The following CSF1R variants were observed in gnomAD, a reference collection of about 807,000 sequenced individuals.
CSF1R encodes colony stimulating factor 1 receptor.
In CSF1R, 40 loss-of-function variants were observed where a neutral mutation model predicts 110.0. That is an observed-to-expected ratio of 0.36 (90% confidence interval 0.28 to 0.47). CSF1R has a LOEUF of 0.47. Among genes scored for constraint, CSF1R ranks in the 20% least tolerant of loss-of-function variants. The pLI is 0.99. For synonymous variants in CSF1R, 523 were observed against 503.4 expected, an observed-to-expected ratio of 1.04 and a Z score of -0.52; for missense variants, 1,052 against 1,253.0, an observed-to-expected ratio of 0.84 and a Z score of 2.42.
intron 4 of CSF1R, 45 bp from the exon 5 acceptor site, chr5:150,077,480 G>A: frequency 6.3e-7 from 1 of 1,576,138 alleles, no homozygotes; most frequent in Non-Finnish European, 8.7e-7. Context: ...GTAGTTTAGG[G>A]ATTAGAAAGA....
At chr5:150,109,376 G>A (rs1430761740) in intron 1 of CSF1R, among the ~76,000 whole-genome samples, 1 of 152,202 alleles carries the variant, frequency 6.6e-6, no homozygotes, top group Non-Finnish European at 1.5e-5. Context: ...GGTGAGGGAA[G>A]GCTGGGTTTC....
At position 150,086,436 on chromosome 5, in the gene CSF1R, TG is replaced by T. The variant is rs1758850088; in HGVS notation, c.-10del. The T allele has an allele frequency of 1.2e-6, 2 of 1,608,046 alleles. No homozygotes were observed. The highest frequency in any genetic ancestry group is 2.7e-5 in the African/African-American group (2 of 74,846). On this transcript the variant is annotated 5_prime_UTR_variant, in exon 1 of 21. Coordinates refer to ENST00000675795, the MANE Select transcript of CSF1R (RefSeq NM_001288705.3). The stretch of plus-strand genomic sequence containing the variant: ...AGAACTCCTGGGCCCATGGCCTCGG[TG>T]GGGAAGTGGCAGGCAGGTGCAGGGC...
Position 150,061,826 on chromosome 5 carries a change from C to G in CSF1R, c.1650G>C (p.Trp550Cys), listed in dbSNP as rs1219122867. ...TGCCCTCATAGCTCTCGATGATCTT[C>G]CAGCGGACCTGGTACTTGGGCTTCT... ...YKQKPKYQVR[W>C]KIIESYEGNS... Residue 550 changes from tryptophan (W) to cysteine (C), a missense_variant, in exon 11 of 21, where the codon TGG (tryptophan) becomes TGC (cysteine). Around this residue, in one of 5 missense-constraint regions of CSF1R, gnomAD observed 693 missense variants for 735.4 expected, o/e 0.94. Coordinates refer to ENST00000675795, the MANE Select transcript of CSF1R (RefSeq NM_001288705.3). The G allele has an allele frequency of 6.2e-7, 1 of 1,614,186 alleles. No individual in the cohort carries two copies. Among genetic ancestry groups the G allele is most frequent in the Admixed American group, 1.7e-5 (1 of 60,030 alleles).
Position 150,086,393 on chromosome 5 carries a change from G to A in CSF1R, c.35C>T (p.Ala12Val), listed in dbSNP as rs1183763649. The A allele has an allele frequency of 6.2e-7, 1 of 1,610,046 alleles. No homozygotes were observed. The highest frequency in any genetic ancestry group is 8.5e-7 in the Non-Finnish European group (1 of 1,178,448). The change falls in exon 1 of 21, where the codon GCC becomes GTC. Residue 12 changes from alanine (A) to valine (V), a missense_variant. Ala to Val is a moderately conservative substitution (Grantham distance 64, BLOSUM62 0). This residue lies in a region of CSF1R where 693 missense variants were observed against 735.4 expected (regional missense o/e 0.94). Coordinates refer to ENST00000675795, the MANE Select transcript of CSF1R (RefSeq NM_001288705.3). ...TCTGCTCTTACCATGCCAAGCTGTG[G>A]CCACCAGCAGGAGCAGCAGAACTCC... is the stretch of plus-strand genomic sequence containing the variant. Reference protein sequence around the residue: ...GPGVLLLLLVATAWHGQGIPV... With the variant: ...GPGVLLLLLVVTAWHGQGIPV...
chr5:150,077,167 G>T, intron 5 of CSF1R, 109 bp downstream of exon 5: 2 of 1,421,206 alleles, frequency 1.4e-6, no homozygotes, highest in Non-Finnish European at 2.0e-6. Context: ...CTCCAGCAGA[G>T]ATATCCTCAG....
intron 1 of CSF1R, among the ~76,000 whole-genome samples, chr5:150,107,233 A>G (rs1759583639): frequency 6.6e-6 from 1 of 152,260 alleles, no homozygotes. Context: ...TCCTGCATGC[A>G]GGGACCTCAC....
chr5:150,054,867 G>A (rs1029479720), intron 19 of CSF1R: 6 of 260,882 alleles, frequency 2.3e-5, no homozygotes, highest in African/African-American at 4.5e-5. Context: ...GTGCACACCT[G>A]TAGTCCCAGC....
At chr5:150,091,924 G>A (rs901767646) in intron 1 of CSF1R, among the ~76,000 whole-genome samples, 1 of 139,786 alleles carries the variant, frequency 7.2e-6, no homozygotes, top group Non-Finnish European at 1.5e-5. Flanking sequence ...ATACCAGCTA[G>A]AAAGTTGGAT....
chr5:150,104,721 C>T (rs888661519), intron 1 of CSF1R, among the ~76,000 whole-genome samples: 4 of 152,160 alleles, frequency 2.6e-5, no homozygotes, highest in African/African-American at 9.7e-5. Context: ...TCCTATGGTA[C>T]AGGTATACCT....
In CSF1R at chr5:150,078,151, A is replaced by T; in HGVS notation, c.690T>A (p.Asp230Glu). The T allele has an allele frequency of 6.2e-7, 1 of 1,614,090 alleles. No individual in the cohort carries two copies. Among genetic ancestry groups the T allele is most frequent in the Non-Finnish European group, 8.5e-7 (1 of 1,180,004 alleles). ...AQIVCSASSV[D>E]VNFDVFLQHN... ...GTTGGAGGAAGACATCAAAGTTAAC[A>T]TCAACGCTGCTGGCTGAGCACACGA... The change falls in exon 4 of 21, where the codon GAT becomes GAA. Residue 230 changes from aspartate to glutamate, a missense_variant. This residue lies in a region of CSF1R where 693 missense variants were observed against 735.4 expected (regional missense o/e 0.94). Transcript: ENST00000675795.
intron 1 of CSF1R, among the ~76,000 whole-genome samples, chr5:150,111,046 A>G (rs971022579): frequency 1.3e-5 from 2 of 152,216 alleles, no homozygotes; most frequent in East Asian, 1.9e-4. Context: ...AACAAAAGGC[A>G]TATTCAAAGA....
intron 1 of CSF1R, among the ~76,000 whole-genome samples, chr5:150,095,215 C>CAGTT (rs1233733026): frequency 4.0e-5 from 6 of 151,886 alleles, no homozygotes; most frequent in Non-Finnish European, 8.8e-5. Flanking sequence ...ACCCTTCTCC[C>CAGTT]AGTTGTAGGT....
chr5:150,061,235 G>T (rs939277578), intron 12 of CSF1R, among the ~76,000 whole-genome samples: 1 of 152,186 alleles, frequency 6.6e-6, no homozygotes. Context: ...GCCATAGGTG[G>T]CCTTTCTGCA....
chr5:150,059,290 C>T (rs1471157998), intron 14 of CSF1R, among the ~76,000 whole-genome samples: 3 of 152,194 alleles, frequency 2.0e-5, no homozygotes, highest in African/African-American at 4.8e-5. Context: ...GTGATCTGCC[C>T]GCCTCAGCCT....
chr5:150,080,993 G>A lies in CSF1R; in HGVS notation c.81C>T (p.Val27=), dbSNP rs753831196. 6.2e-7 allele frequency: 1 copy of A among 1,613,994 alleles called. No homozygotes were observed. Among genetic ancestry groups the A allele is most frequent in the Non-Finnish European group, 8.5e-7 (1 of 1,179,874 alleles). ...CTCCTGGCTTCACGACCAGCTCAGG[G>A]ACACTGGGCTCTATCACTGGGATTC... The part of the protein sequence containing the change: ...GQGIPVIEPS[V]PELVVKPGAT... The change falls in exon 2 of 21, where the codon GTC becomes GTT. Residue 27 remains valine (V), a synonymous_variant. Transcript: ENST00000675795.
At chr5:150,065,765 T>C (rs1757742291) in intron 10 of CSF1R, among the ~76,000 whole-genome samples, 1 of 152,158 alleles carries the variant, frequency 6.6e-6, no homozygotes, top group African/African-American at 2.4e-5. Flanking sequence ...CAGCCTTGCA[T>C]GGGCTCCAGG....
upstream of CSF1R, among the ~76,000 whole-genome samples, chr5:150,087,826 C>T (rs1029547998): frequency 6.7e-6 from 1 of 149,794 alleles, no homozygotes; most frequent in East Asian, 2.0e-4. Flanking sequence ...CTCCACCTCC[C>T]GGACTCAAGC....
intron 1 of CSF1R, among the ~76,000 whole-genome samples, chr5:150,108,281 G>A (rs1759612248): frequency 1.3e-5 from 2 of 152,146 alleles, no homozygotes; most frequent in South Asian, 2.1e-4. Flanking sequence ...GCTTTTGCTG[G>A]GCTGGAAGCT....
At chr5:150,061,408 G>A in intron 12 of CSF1R, 83 bp downstream of exon 12, 1 of 1,195,242 alleles carries the variant, frequency 8.4e-7, no homozygotes, top group Non-Finnish European at 1.2e-6. Flanking sequence ...AAATGTGTGT[G>A]ATGCCTCTTG....
Sources: allele counts gnomAD v4.1 joint callset (sites outside exome capture counted in the v4.1 genomes callset), GRCh38; gene constraint gnomAD v4.1.1; regional missense constraint gnomAD v4.1.1; transcripts MANE v1.5; gene names NCBI Gene and HGNC (gene_info 2026-07-23, HGNC 2026-07-21).